The following PPP1CC variants were observed in gnomAD, a reference collection of about 807,000 sequenced individuals.
The protein encoded by PPP1CC is protein phosphatase 1 catalytic subunit gamma.
PPP1CC carries 16 observed loss-of-function variants against 38.4 expected under a neutral mutation model. The ratio of observed to expected loss-of-function variants is 0.42; its 90% CI spans 0.28 to 0.63. PPP1CC has a LOEUF of 0.63. Among genes scored for constraint, PPP1CC ranks in the 30% least tolerant of loss-of-function variants. The probability of loss-of-function intolerance (pLI) is 0.25; values close to 1 mark genes in which losing one functional copy is unlikely to be tolerated. For synonymous variants in PPP1CC, 158 were observed against 136.0 expected (o/e 1.16, Z -1.13); for missense variants, 170 against 391.3 (o/e 0.43, Z 4.77).
At chr12:110,708,522 G>A in the PPP1CC span, among the ~76,000 whole-genome samples, 1 of 152,114 alleles carries the variant, frequency 6.6e-6, no homozygotes, top group African/African-American at 2.4e-5. Context: ...GCAGGTTTGT[G>A]GCCTAATTTC....
chr12:110,722,050 C>T lies in PPP1CC; in HGVS notation c.882+85G>A. ...ACTTAGCCTACTCAGCATAAGTGAA[C>T]ACTAGGCAAAAAGTAGCAATTATAT... On this transcript the variant is annotated intron_variant, in intron 6 of 6. Coordinates refer to ENST00000335007, the MANE Select transcript of PPP1CC (RefSeq NM_002710.4). The surrounding 1 kb of genome is among the most constrained non-coding windows in gnomAD (Gnocchi z 5.4). 1 of 1,559,480 alleles carries T rather than the reference C, an allele frequency of 6.4e-7. No individual in the cohort carries two copies. Among genetic ancestry groups the T allele is most frequent in the Non-Finnish European group, 8.8e-7 (1 of 1,140,446 alleles).
intron 1 of PPP1CC, among the ~76,000 whole-genome samples, chr12:110,735,208 C>T (rs933427882): frequency 6.6e-6 from 1 of 151,610 alleles, no homozygotes; most frequent in African/African-American, 2.4e-5. Flanking sequence ...CGTGCGCCAC[C>T]GTGCCTGGCC....
At chr12:110,711,194 T>A in the PPP1CC span, among the ~76,000 whole-genome samples, 1 of 151,814 alleles carries the variant, frequency 6.6e-6, no homozygotes, top group Middle Eastern at 3.4e-3. Context: ...AATAAATAAA[T>A]AAAAATTTTT....
chr12:110,731,707 A>G, intron 2 of PPP1CC, 63 bp downstream of exon 2: 1 of 1,547,750 alleles, frequency 6.5e-7, no homozygotes, highest in Non-Finnish European at 8.8e-7. Context: ...AAGGTCATCA[A>G]CATATCCTTG....
chr12:110,724,146 G>A (rs954489537), intron 4 of PPP1CC, among the ~76,000 whole-genome samples: 2 of 152,148 alleles, frequency 1.3e-5, no homozygotes, highest in African/African-American at 2.4e-5. Context: ...GCTGAGGCAG[G>A]AGAATGGCGT....
chr12:110,722,566 T>C lies in PPP1CC; in HGVS notation c.653A>G (p.Glu218Gly). The C allele has an allele frequency of 6.2e-7, 1 of 1,614,220 alleles. No homozygotes were observed. The highest frequency in any genetic ancestry group is 8.5e-7 in the Non-Finnish European group (1 of 1,180,034). ...TGTGAAGGACACTCCTCTGTCATTT[T>C]CACCCCAGCCTAAGACATCTTTATC... ...DPDKDVLGWGENDRGVSFTFG... is the reference protein window; with the variant it reads ...DPDKDVLGWGGNDRGVSFTFG... The change falls in exon 5 of 7, where the codon GAA becomes GGA. Residue 218 changes from glutamate (E) to glycine (G), a missense_variant. Physicochemically the swap from Glu to Gly is moderately conservative, Grantham distance 98 (BLOSUM62 -2). This residue lies in a region of PPP1CC where 117 missense variants were observed against 344.4 expected (regional missense o/e 0.34). Transcript: ENST00000335007. This position sits in a 1 kb window ranked among gnomAD's most constrained non-coding sequence, Gnocchi z 5.4.
intron 1 of PPP1CC, chr12:110,732,229 G>A (rs2069880918): frequency 4.9e-6 from 2 of 412,012 alleles, no homozygotes; most frequent in East Asian, 3.8e-5. Context: ...GGGTGAGGCG[G>A]GCAGATCATG....
At chr12:110,734,484 C>G (rs2069918797) in intron 1 of PPP1CC, among the ~76,000 whole-genome samples, 1 of 152,156 alleles carries the variant, frequency 6.6e-6, no homozygotes, top group African/African-American at 2.4e-5. Flanking sequence ...CCTGGGATTA[C>G]AGGCATGCGC....
the PPP1CC span, among the ~76,000 whole-genome samples, chr12:110,711,719 G>C: frequency 6.6e-6 from 1 of 152,096 alleles, no homozygotes; most frequent in Admixed American, 6.6e-5. Context: ...GAGGTTGGGA[G>C]TTCGAGACCA....
At chr12:110,724,067 T>C (rs1281142802) in intron 4 of PPP1CC, among the ~76,000 whole-genome samples, 1 of 151,524 alleles carries the variant, frequency 6.6e-6, no homozygotes, top group East Asian at 2.0e-4. Flanking sequence ...TGAAGCCCCG[T>C]CTCTACTAAA....
chr12:110,730,272 T>C (rs191095417), intron 3 of PPP1CC, among the ~76,000 whole-genome samples: 18 of 152,182 alleles, frequency 1.2e-4, no homozygotes, highest in African/African-American at 1.9e-4. Context: ...GGCAGGAGGA[T>C]TGCTTGAGCC....
At position 110,733,250 on chromosome 12, in the gene PPP1CC, C is replaced by T. The variant is rs763764370; in HGVS notation, c.56-1349G>A. On this transcript the variant is annotated intron_variant, in intron 1 of 6. Transcript: ENST00000335007. ...TTAACCAAAAACTTGGGCAGACTGC[C>T]CAGCAGGAAGCTTTATTTTTGGCTA... Among the ~76,000 whole-genome samples, 21 of 152,266 alleles carry T rather than the reference C, an allele frequency of 1.4e-4. No individual in the cohort carries two copies. The Middle Eastern group carries it at 0.02, about 148-fold the overall frequency.
At chr12:110,718,886 T>C (rs544787466), downstream of PPP1CC, among the ~76,000 whole-genome samples, 77 of 152,204 alleles carry the variant, frequency 5.1e-4, no homozygotes, top group African/African-American at 1.7e-3. Context: ...AAGATTAATC[T>C]TGTCTTCTAC....
rs1309492744 is a variant in PPP1CC, at chr12:110,719,884, G to C, written c.*1192C>G. On this transcript the variant is annotated 3_prime_UTR_variant, in exon 7 of 7. Transcript: ENST00000335007. The stretch of plus-strand genomic sequence containing the variant: ...ACAGTTCTCCTGTGTGTATTGTGCT[G>C]ATAAATAGACACTGAGAAGATTTAA... 4.2e-6 allele frequency: 2 copies of C among 472,892 alleles called. No individual in the cohort carries two copies. The highest frequency in any genetic ancestry group is 3.4e-5 in the East Asian group (1 of 29,092). 29.3% of individuals were successfully genotyped at this position (472,892 alleles called of 1,614,324 possible). A position where few individuals can be genotyped will look rare whatever the true frequency, so the allele number is the denominator to read the frequency against.
intron 1 of PPP1CC, among the ~76,000 whole-genome samples, chr12:110,740,839 T>C (rs767060049): frequency 1.2e-4 from 18 of 152,354 alleles, no homozygotes; most frequent in Non-Finnish European, 7.3e-5. Flanking sequence ...AAGCCTTAGA[T>C]GATCTTAAAA....
intron 3 of PPP1CC, among the ~76,000 whole-genome samples, chr12:110,728,397 C>CAAAAAAAAAAAAAAAA (rs1234259790): frequency 1.3e-5 from 1 of 78,592 alleles, no homozygotes; most frequent in African/African-American, 3.8e-5. Context: ...GACTCCGTCT[C>CAAAAAAAAAAAAAAAA]AAAAAAAAAA....
chr12:110,727,816 A>T lies in PPP1CC; in HGVS notation c.418+2713T>A, dbSNP rs111997000. Among the ~76,000 whole-genome samples, 223 of 152,290 alleles carry T rather than the reference A, an allele frequency of 1.5e-3. 1 individual carries two copies. The highest frequency in any genetic ancestry group is 5.0e-3 in the African/African-American group (209 of 41,568). Reference sequence around the variant, plus strand: ...ATGTCAAGGGCACTTTCATGCCCACAAGTAGACTGGATGGCAAATTATATC... The same window carrying T: ...ATGTCAAGGGCACTTTCATGCCCACTAGTAGACTGGATGGCAAATTATATC... On this transcript the variant is annotated intron_variant, in intron 3 of 6. Transcript: ENST00000335007.
chr12:110,727,378 TTC>T (rs1283144872), intron 3 of PPP1CC, among the ~76,000 whole-genome samples: 3 of 152,324 alleles, frequency 2.0e-5, no homozygotes, highest in East Asian at 1.9e-4. Flanking sequence ...CCTCTTTCTA[TTC>T]TCTCTTCATT....
rs1333589315 is a variant in PPP1CC at position 110,724,871 on chromosome 12, A to G, written c.419-107T>C. ...AAAGCAAGATTCTGGGTGCCTTTTA[A>G]GCAAATGAAACTATGTTTTTATTAA... is the stretch of plus-strand genomic sequence containing the variant. On this transcript the variant is annotated intron_variant, in intron 3 of 6. Coordinates refer to ENST00000335007, the MANE Select transcript of PPP1CC (RefSeq NM_002710.4). 5.2e-6 allele frequency: 3 copies of G among 580,758 alleles called. No homozygotes were observed. In the Admixed American group the frequency reaches 9.0e-5, roughly 17 times the overall value. 36.0% of individuals were successfully genotyped at this position (580,758 alleles called of 1,614,324 possible).
Sources: gnomAD v4.1 joint callset for allele counts (sites outside exome capture counted in the v4.1 genomes callset) on GRCh38, gnomAD v4.1.1 for gene constraint, gnomAD v4.1.1 regional missense constraint, Gnocchi (gnomAD v3.1) non-coding constraint, MANE v1.5 for transcripts, NCBI Gene and HGNC (gene_info 2026-07-23, HGNC 2026-07-21) for gene names.